LYRM7: variants seen among roughly 807,000 people sequenced by gnomAD.
LYRM7 encodes the protein LYR motif containing 7.
Under a neutral mutation model 15.8 loss-of-function variants are expected in LYRM7, and 9 were observed. The observed-to-expected ratio is 0.57, with a 90% CI of 0.34 to 0.99. LYRM7 has a LOEUF of 0.99. Among genes scored for constraint, LYRM7 ranks in the 50% least tolerant of loss-of-function variants. The pLI, the probability that LYRM7 is intolerant of heterozygous loss-of-function variation, is 0.02. For synonymous variants in LYRM7, 39 were observed against 39.4 expected (o/e 0.99, Z 0.04); for missense variants, 115 against 119.1 (o/e 0.97, Z 0.16).
At chr5:131,181,349 T>TTATATA (rs545785759) in intron 2 of LYRM7, among the ~76,000 whole-genome samples, 7 of 42,126 alleles carry the variant, frequency 1.7e-4, no homozygotes, top group African/African-American at 9.4e-4. Flanking sequence ...AACATATATG[T>TTATATA]TATATATATA....
intron 3 of LYRM7, among the ~76,000 whole-genome samples, chr5:131,185,013 C>G (rs969277831): frequency 3.3e-5 from 5 of 152,102 alleles, no homozygotes; most frequent in Non-Finnish European, 7.3e-5. Context: ...ATATACAGAA[C>G]TCAACTACTT....
rs559926745 is a variant in LYRM7, at chr5:131,179,604, G to T, written c.19-491G>T. 5.3e-5 allele frequency among the ~76,000 whole-genome samples: 8 copies of T among 151,010 alleles called. No individual in the cohort carries two copies. The South Asian group carries it at 1.7e-3, about 32-fold the overall frequency. ...CCACTTCAGCCGCCCAAGTAGCTAGGACCACAGGTGCACACCACCATGGCC... is the reference window on the plus strand; with the variant it reads ...CCACTTCAGCCGCCCAAGTAGCTAGTACCACAGGTGCACACCACCATGGCC... On this transcript the variant is annotated intron_variant, in intron 1 of 4. Coordinates refer to ENST00000379380, the MANE Select transcript of LYRM7 (RefSeq NM_181705.4).
chr5:131,179,811 C>T (rs1755661856), intron 1 of LYRM7, among the ~76,000 whole-genome samples: 1 of 152,042 alleles, frequency 6.6e-6, no homozygotes, highest in Admixed American at 6.6e-5. Context: ...TGGCAGGTGC[C>T]TGTAATCCCA....
At chr5:131,192,269 G>A (rs1017653361) in intron 4 of LYRM7, among the ~76,000 whole-genome samples, 1 of 152,142 alleles carries the variant, frequency 6.6e-6, no homozygotes, top group African/African-American at 2.4e-5. Context: ...GTTACTAGAG[G>A]CCAGGAAGGG....
chr5:131,203,039 A>G lies in LYRM7; in HGVS notation c.*3438A>G, dbSNP rs940237750. 2 of 152,366 alleles carry G rather than the reference A, an allele frequency of 1.3e-5. No individual in the cohort carries two copies. Among genetic ancestry groups the G allele is most frequent in the Non-Finnish European group, 2.9e-5 (2 of 68,036 alleles). 9.4% of individuals were successfully genotyped at this position (152,366 alleles called of 1,614,324 possible). A position where few individuals can be genotyped will look rare whatever the true frequency, so the allele number is the denominator to read the frequency against. ...TAGATGCATCTCACAGCATCAGTAC[A>G]ATACCAAAAAAGCACACAAGAATAA... On this transcript the variant is annotated 3_prime_UTR_variant, in exon 5 of 5. Coordinates refer to ENST00000379380, the MANE Select transcript of LYRM7 (RefSeq NM_181705.4).
At position 131,203,809 on chromosome 5, in the gene LYRM7, T is replaced by G. The variant is rs72787012; in HGVS notation, c.*4208T>G. ...TATAAATAAAGTTTAGAGAAAGTTATTTGCCACCTATGTCATGATTGAAAT... is the reference window on the plus strand; with the variant it reads ...TATAAATAAAGTTTAGAGAAAGTTAGTTGCCACCTATGTCATGATTGAAAT... On this transcript the variant is annotated 3_prime_UTR_variant, in exon 5 of 5. Transcript: ENST00000379380. 0.016 allele frequency: 2,477 copies of G among 152,482 alleles called. 37 individuals are homozygous for G. Among genetic ancestry groups the G allele is most frequent in the Non-Finnish European group, 0.025 (1,720 of 68,028 alleles). 9.4% of individuals were successfully genotyped at this position (152,482 alleles called of 1,614,324 possible). A position where few individuals can be genotyped will look rare whatever the true frequency, so the allele number is the denominator to read the frequency against.
chr5:131,198,160 T>G (rs1756000257), intron 4 of LYRM7, among the ~76,000 whole-genome samples: 1 of 152,140 alleles, frequency 6.6e-6, no homozygotes, highest in Non-Finnish European at 1.5e-5. Context: ...TAGAGTATAT[T>G]TTTTTAAGAT....
chr5:131,176,909 A>G (rs115998430), intron 1 of LYRM7, among the ~76,000 whole-genome samples: 1,590 of 152,274 alleles, frequency 0.01, 23 homozygotes, highest in African/African-American at 0.034. Context: ...TTAGTATTCT[A>G]TGATGTATAT....
rs1270935029 is a variant in LYRM7 at position 131,200,679 on chromosome 5, A to G, written c.*1078A>G. ...TAGAAATTATACCTAGAGAAAAATGAAAGTCGTTTCAAATTTGAAATTTGC... is the reference window on the plus strand; with the variant it reads ...TAGAAATTATACCTAGAGAAAAATGGAAGTCGTTTCAAATTTGAAATTTGC... On this transcript the variant is annotated 3_prime_UTR_variant, in exon 5 of 5. Transcript: ENST00000379380. 6.7e-6 allele frequency: 1 copy of G among 149,594 alleles called. No homozygotes were observed. Among genetic ancestry groups the G allele is most frequent in the Non-Finnish European group, 1.5e-5 (1 of 68,020 alleles). 9.3% of individuals were successfully genotyped at this position (149,594 alleles called of 1,614,324 possible).
chr5:131,181,317 A>ATATATATATATATG (rs1755693171), intron 2 of LYRM7, among the ~76,000 whole-genome samples: 1 of 21,630 alleles, frequency 4.6e-5, no homozygotes, highest in East Asian at 7.9e-4. Flanking sequence ...ATATATATAT[A>ATATATATATATATG]CACACACACA....
At chr5:131,198,571 T>A (rs1756008493) in intron 4 of LYRM7, among the ~76,000 whole-genome samples, 1 of 152,068 alleles carries the variant, frequency 6.6e-6, no homozygotes, top group Non-Finnish European at 1.5e-5. Flanking sequence ...ATTTGGAATT[T>A]TTTTTTTTTG....
At chr5:131,196,827 T>C (rs539752616) in intron 4 of LYRM7, among the ~76,000 whole-genome samples, 6 of 152,078 alleles carry the variant, frequency 3.9e-5, no homozygotes, top group African/African-American at 1.4e-4. Context: ...CCAGCTAATT[T>C]TTGTATTTTT....
intron 2 of LYRM7, among the ~76,000 whole-genome samples, chr5:131,181,274 T>C (rs752829330): frequency 1.1e-4 from 1 of 8,738 alleles, no homozygotes. Context: ...AGACTCCATC[T>C]GAAAAAAAAA....
At chr5:131,188,065 T>C (rs1034733023) in intron 4 of LYRM7, among the ~76,000 whole-genome samples, 1 of 151,754 alleles carries the variant, frequency 6.6e-6, no homozygotes, top group Non-Finnish European at 1.5e-5. Flanking sequence ...AAGACCAGCC[T>C]GGGCAACATG....
At chr5:131,187,962 A>T (rs942855476) in intron 4 of LYRM7, among the ~76,000 whole-genome samples, 1 of 152,068 alleles carries the variant, frequency 6.6e-6, no homozygotes, top group African/African-American at 2.4e-5. Flanking sequence ...AAAAGATGAC[A>T]TTCAAAATTG....
At chr5:131,179,640 T>G (rs966809662) in intron 1 of LYRM7, among the ~76,000 whole-genome samples, 30 of 151,862 alleles carry the variant, frequency 2.0e-4, no homozygotes, top group Admixed American at 1.7e-3. Flanking sequence ...TGACTAATTT[T>G]AAAAAAATAT....
rs1756160283 is a variant in LYRM7, at chr5:131,205,287, G to A, written c.*5686G>A. ...TGTTTTGTGATTTTAAAATGTAAAT[G>A]AATGGCGTTATGCTCCATGTATTCT... On this transcript the variant is annotated 3_prime_UTR_variant, in exon 5 of 5. Transcript: ENST00000379380. 6.6e-6 allele frequency: 1 copy of A among 152,192 alleles called. No homozygotes were observed. Among genetic ancestry groups the A allele is most frequent in the South Asian group, 2.1e-4 (1 of 4,832 alleles). 9.4% of individuals were successfully genotyped at this position (152,192 alleles called of 1,614,324 possible). A position where few individuals can be genotyped will look rare whatever the true frequency, so the allele number is the denominator to read the frequency against.
chr5:131,181,366 T>C (rs1390751668), intron 2 of LYRM7, among the ~76,000 whole-genome samples: 2 of 28,992 alleles, frequency 6.9e-5, no homozygotes, highest in African/African-American at 6.9e-4. Flanking sequence ...TATATTAACA[T>C]ATATATGTAT....
intron 4 of LYRM7, among the ~76,000 whole-genome samples, chr5:131,192,555 A>G (rs1033946942): frequency 7.2e-5 from 11 of 152,204 alleles, no homozygotes; most frequent in African/African-American, 2.4e-4. Flanking sequence ...GTATGTATCA[A>G]TTAAAAATAA....
Sources: allele counts gnomAD v4.1 joint callset (sites outside exome capture counted in the v4.1 genomes callset), GRCh38; gene constraint gnomAD v4.1.1; transcripts MANE v1.5; gene names NCBI Gene and HGNC (gene_info 2026-07-23, HGNC 2026-07-21).